Variants in ASTN2 observed in about 807,000 individuals in gnomAD.
The protein encoded by ASTN2 is astrotactin 2.
A neutral mutation model predicts 139.8 loss-of-function variants in ASTN2; 54 were observed. The ratio of observed to expected loss-of-function variants is 0.39; its 90% CI spans 0.31 to 0.48. The LOEUF is 0.48. Ranked by LOEUF, ASTN2 falls within the 20% of genes least tolerant of loss-of-function variation. The probability of loss-of-function intolerance (pLI) is 0.95; values close to 1 mark genes in which losing one functional copy is unlikely to be tolerated. For missense variants in ASTN2, 1,565 were observed against 1,725.1 expected (o/e 0.91, Z 1.64); for synonymous variants, 756 against 719.5 (o/e 1.05, Z -0.81).
chr9:117,034,374 T>C (rs773212167), intron 6 of ASTN2, among the ~76,000 whole-genome samples: 9 of 152,198 alleles, frequency 5.9e-5, no homozygotes, highest in Non-Finnish European at 8.8e-5. Flanking sequence ...TAGTATGTTA[T>C]AAACCTTAAG....
At chr9:117,303,678 C>G (rs963825674) in intron 1 of ASTN2, among the ~76,000 whole-genome samples, 1 of 152,212 alleles carries the variant, frequency 6.6e-6, no homozygotes, top group South Asian at 2.1e-4. Flanking sequence ...TTTTACCAAC[C>G]TAACTCTTAA....
chr9:116,916,386 T>C (rs542624128), intron 10 of ASTN2, among the ~76,000 whole-genome samples: 1 of 152,322 alleles, frequency 6.6e-6, no homozygotes, highest in African/African-American at 2.4e-5. Flanking sequence ...AGATGGTTAC[T>C]ATATGATTGT....
intron 17 of ASTN2, among the ~76,000 whole-genome samples, chr9:116,644,266 A>G (rs1476676880): frequency 6.6e-6 from 1 of 152,172 alleles, no homozygotes; most frequent in African/African-American, 2.4e-5. Context: ...AGAGAGAAAG[A>G]ATCTGCTGGA....
At chr9:116,827,511 A>G (rs1013578681) in intron 11 of ASTN2, among the ~76,000 whole-genome samples, 2 of 152,034 alleles carry the variant, frequency 1.3e-5, no homozygotes, top group African/African-American at 4.8e-5. Context: ...GAAAAGAGAG[A>G]AGACTCAAAT....
intron 20 of ASTN2, among the ~76,000 whole-genome samples, chr9:116,444,782 C>A (rs1443859020): frequency 6.6e-6 from 1 of 152,208 alleles, no homozygotes; most frequent in East Asian, 1.9e-4. Context: ...TCTCTGAGCT[C>A]ACTGCACCTC....
chr9:116,901,028 T>C (rs755955754), intron 10 of ASTN2, among the ~76,000 whole-genome samples: 2 of 152,074 alleles, frequency 1.3e-5, no homozygotes, highest in Non-Finnish European at 2.9e-5. Flanking sequence ...AAACATAGAA[T>C]GAGTGGCTGT....
At chr9:116,884,675 C>G (rs2132376250) in intron 10 of ASTN2, among the ~76,000 whole-genome samples, 2 of 152,046 alleles carry the variant, frequency 1.3e-5, no homozygotes, top group Middle Eastern at 3.4e-3. Flanking sequence ...CCATCTCAAA[C>G]AAAACCTCCT....
chr9:116,460,605 G>A (rs1307918215), intron 20 of ASTN2, among the ~76,000 whole-genome samples: 4 of 152,138 alleles, frequency 2.6e-5, no homozygotes, highest in African/African-American at 9.7e-5. Context: ...GGAACCTTCA[G>A]TGAAATCTTA....
At chr9:116,427,231 C>T (rs1327506029) in intron 22 of ASTN2, among the ~76,000 whole-genome samples, 3 of 152,140 alleles carry the variant, frequency 2.0e-5, no homozygotes, top group Admixed American at 2.0e-4. Context: ...AGCACCCTTG[C>T]CCCGGTCGTG....
chr9:116,766,695 A>G (rs958993882), intron 13 of ASTN2, among the ~76,000 whole-genome samples: 1 of 152,068 alleles, frequency 6.6e-6, no homozygotes, highest in African/African-American at 2.4e-5. Flanking sequence ...TCACACATTC[A>G]TAGTCATACA....
chr9:117,393,752 T>C (rs2130949248), intron 1 of ASTN2, among the ~76,000 whole-genome samples: 1 of 152,096 alleles, frequency 6.6e-6, no homozygotes, highest in Non-Finnish European at 1.5e-5. Context: ...ATGGGCAGGC[T>C]CTGAGGTGGA....
intron 4 of ASTN2, among the ~76,000 whole-genome samples, chr9:117,128,371 C>CAAAAAAAAAAAAAAAAA (rs1167187783): frequency 6.0e-5 from 4 of 66,414 alleles, no homozygotes; most frequent in African/African-American, 2.4e-4. Flanking sequence ...GACACTGTCT[C>CAAAAAAAAAAAAAAAAA]AAAAAAAAAA....
chr9:116,742,179 T>A (rs946695433), intron 13 of ASTN2, among the ~76,000 whole-genome samples: 1 of 152,234 alleles, frequency 6.6e-6, no homozygotes, highest in Non-Finnish European at 1.5e-5. Context: ...CTCTCAAAGT[T>A]GACTTTGCAG....
At chr9:116,949,791 C>T (rs949469500) in intron 10 of ASTN2, among the ~76,000 whole-genome samples, 4 of 152,134 alleles carry the variant, frequency 2.6e-5, no homozygotes, top group African/African-American at 9.7e-5. Context: ...TCTTTGGAAT[C>T]AGTTGGATTT....
rs186326343 is a variant in ASTN2 at position 116,919,481 on chromosome 9, A to G, written c.1889+55727T>C. Among the ~76,000 whole-genome samples the G allele has an allele frequency of 3.9e-5, 6 of 152,198 alleles. No individual in the cohort carries two copies. The East Asian group carries it at 1.2e-3, about 29-fold the overall frequency. ...ACGTTTTAACAATCCTAAATATTCT[A>G]CTGGACAAATACTGCAGCCTCTTTC... is the stretch of plus-strand genomic sequence containing the variant. On this transcript the variant is annotated intron_variant, in intron 10 of 22. Transcript: ENST00000313400.
At chr9:116,631,529 G>A (rs1310309771) in intron 17 of ASTN2, among the ~76,000 whole-genome samples, 3 of 152,000 alleles carry the variant, frequency 2.0e-5, no homozygotes, top group Non-Finnish European at 4.4e-5. Flanking sequence ...TCTCATGGAG[G>A]TGGAGAGATG....
chr9:116,757,251 G>A (rs559203437), intron 13 of ASTN2, among the ~76,000 whole-genome samples: 11 of 152,274 alleles, frequency 7.2e-5, no homozygotes, highest in Admixed American at 2.0e-4. Flanking sequence ...CACTTACCCG[G>A]AGTGCCTTCC....
chr9:117,327,848 T>G (rs553871666), intron 1 of ASTN2, among the ~76,000 whole-genome samples: 16 of 152,338 alleles, frequency 1.1e-4, no homozygotes, highest in Non-Finnish European at 2.1e-4. Context: ...ACAGATTTAT[T>G]TCACACATAG....
rs145709077 is a variant in ASTN2, at chr9:117,133,548, G to A, written c.1168+7778C>T. On this transcript the variant is annotated intron_variant, in intron 4 of 22. Transcript: ENST00000313400. Reference sequence around the variant, plus strand: ...ATTGTCCATTAATTCATCAATTATTGAGGATCTGCTATTTGTCAGGAAGCA... The same window carrying A: ...ATTGTCCATTAATTCATCAATTATTAAGGATCTGCTATTTGTCAGGAAGCA... 1.5e-4 allele frequency among the ~76,000 whole-genome samples: 23 copies of A among 152,314 alleles called. No homozygotes were observed. In the East Asian group the frequency reaches 1.5e-3, roughly 10 times the overall value.
Sources: gnomAD v4.1 joint callset for allele counts (sites outside exome capture counted in the v4.1 genomes callset) on GRCh38, gnomAD v4.1.1 for gene constraint, MANE v1.5 for transcripts, NCBI Gene and HGNC (gene_info 2026-07-23, HGNC 2026-07-21) for gene names.